The following FGF2 variants were observed in gnomAD, a reference collection of about 807,000 sequenced individuals.
FGF2 encodes fibroblast growth factor 2.
In FGF2, 13 loss-of-function variants were observed where a neutral mutation model predicts 15.9. The observed-to-expected ratio is 0.82, with a 90% CI of 0.53 to 1.30. The LOEUF is 1.30. Ranked by LOEUF, FGF2 falls within the 50% of genes most tolerant of loss-of-function variation. The pLI, the probability that FGF2 is intolerant of heterozygous loss-of-function variation, is 0.00. For synonymous variants in FGF2, 90 were observed against 78.4 expected (o/e 1.15, Z -0.78); for missense variants, 163 against 196.9 (o/e 0.83, Z 1.03).
rs1553950801 is a variant in FGF2, at chr4:122,893,199, C to T, written c.*803C>T. 6.2e-7 allele frequency: 1 copy of T among 1,608,890 alleles called. No individual in the cohort carries two copies. Among genetic ancestry groups the T allele is most frequent in the South Asian group, 1.1e-5 (1 of 90,228 alleles). On this transcript the variant is annotated 3_prime_UTR_variant, in exon 3 of 3. Coordinates refer to ENST00000644866, the MANE Select transcript of FGF2 (RefSeq NM_001361665.2). ...AATTCTGATTTTATACCAGTCTCTT[C>T]AAAAACTTCTCGAACCGCTGTGTCT...
intron 1 of FGF2, among the ~76,000 whole-genome samples, chr4:122,865,536 C>T (rs1578468504): frequency 6.6e-6 from 1 of 152,134 alleles, no homozygotes; most frequent in African/African-American, 2.4e-5. Context: ...AGCAATCCAC[C>T]CATCTCCCAA....
In FGF2 at chr4:122,892,621, G is replaced by A. The variant is rs780912676; in HGVS notation, c.*225G>A. On this transcript the variant is annotated 3_prime_UTR_variant, in exon 3 of 3. Coordinates refer to ENST00000644866, the MANE Select transcript of FGF2 (RefSeq NM_001361665.2). ...TTTATATTGCATCTGCTGTTACCCA[G>A]TGAAGCTTACCTAGAGCAATGATCT... 8.4e-6 allele frequency: 12 copies of A among 1,430,846 alleles called. No individual in the cohort carries two copies. The highest frequency in any genetic ancestry group is 1.6e-5 in the South Asian group (1 of 64,128). The allele number at this position is 1,430,846 out of a possible 1,614,324, so 88.6% of individuals were successfully genotyped here.
At chr4:122,832,636 T>C (rs901669251) in intron 1 of FGF2, among the ~76,000 whole-genome samples, 7 of 152,256 alleles carry the variant, frequency 4.6e-5, no homozygotes, top group African/African-American at 1.4e-4. Context: ...TTTTCTGTGC[T>C]CTGAAATTAG....
At chr4:122,830,630 C>G (rs1042771588) in intron 1 of FGF2, among the ~76,000 whole-genome samples, 2 of 152,060 alleles carry the variant, frequency 1.3e-5, no homozygotes, top group African/African-American at 4.8e-5. Flanking sequence ...TGGCAGGCCT[C>G]TTTCAATGCG....
At chr4:122,887,836 T>G (rs1000333432) in intron 2 of FGF2, among the ~76,000 whole-genome samples, 1 of 152,250 alleles carries the variant, frequency 6.6e-6, no homozygotes, top group Non-Finnish European at 1.5e-5. Context: ...CATCTACATT[T>G]CTTTTTTAGG....
chr4:122,874,234 TTAAGA>T (rs1412146973), intron 1 of FGF2, among the ~76,000 whole-genome samples: 4 of 152,258 alleles, frequency 2.6e-5, no homozygotes, highest in Admixed American at 1.3e-4. Context: ...CTTATACTCA[TTAAGA>T]TAAGTTTGGT....
chr4:122,836,373 C>T (rs544652805), intron 1 of FGF2, among the ~76,000 whole-genome samples: 1 of 152,314 alleles, frequency 6.6e-6, no homozygotes, highest in South Asian at 2.1e-4. Context: ...TCCTGTCTGT[C>T]CTCGTACCTT....
chr4:122,897,904 T>C lies in FGF2; in HGVS notation c.*5508T>C, dbSNP rs191242224. On this transcript the variant is annotated 3_prime_UTR_variant, in exon 3 of 3. Transcript: ENST00000644866. ...TCCCACCTTTTCTCTTCAGGAAATA[T>C]AAGTGGTTTTGTTTGGTTAACGTGA... 83 of 520,440 alleles carry C rather than the reference T, an allele frequency of 1.6e-4. 1 individual carries two copies. The East Asian group carries it at 2.6e-3, about 16-fold the overall frequency. 32.2% of individuals were successfully genotyped at this position (520,440 alleles called of 1,614,324 possible).
intron 2 of FGF2, among the ~76,000 whole-genome samples, chr4:122,887,103 C>T (rs1727075330): frequency 6.6e-6 from 1 of 152,166 alleles, no homozygotes; most frequent in Admixed American, 6.5e-5. Flanking sequence ...ACCACGACGT[C>T]AGGAGTTCGA....
chr4:122,885,935 T>A (rs547035324), intron 2 of FGF2, among the ~76,000 whole-genome samples: 313 of 130,148 alleles, frequency 2.4e-3, no homozygotes, highest in Middle Eastern at 3.9e-3. Context: ...TTTTTTTTTT[T>A]TGAGACAGGT....
chr4:122,891,032 TTTTGTTTTG>T (rs1727167870), intron 2 of FGF2, among the ~76,000 whole-genome samples: 2 of 120,952 alleles, frequency 1.7e-5, no homozygotes, highest in East Asian at 2.2e-4. Context: ...TTTTTTTTTT[TTTTGTTTTG>T]TTTTGTTTTG....
At chr4:122,881,591 C>T (rs992816509) in intron 2 of FGF2, among the ~76,000 whole-genome samples, 1 of 152,166 alleles carries the variant, frequency 6.6e-6, no homozygotes, top group Non-Finnish European at 1.5e-5. Context: ...CAACAAGTTC[C>T]TCATCTCCAT....
intron 1 of FGF2, among the ~76,000 whole-genome samples, chr4:122,844,727 C>T (rs114171408): frequency 0.037 from 5,625 of 151,728 alleles, 209 homozygotes; most frequent in African/African-American, 0.094. Flanking sequence ...GCCTTGATCT[C>T]CTGGAATCAA....
chr4:122,840,104 C>T (rs1168524967), intron 1 of FGF2, among the ~76,000 whole-genome samples: 1 of 152,126 alleles, frequency 6.6e-6, no homozygotes, highest in Non-Finnish European at 1.5e-5. Flanking sequence ...AACGTAATCA[C>T]ATCTTTAGAG....
chr4:122,846,966 G>A (rs1002680175), intron 1 of FGF2, among the ~76,000 whole-genome samples: 1 of 152,174 alleles, frequency 6.6e-6, no homozygotes, highest in African/African-American at 2.4e-5. Flanking sequence ...CCTGGGAAGG[G>A]GGCATGGTCA....
chr4:122,870,310 C>T (rs977482451), intron 1 of FGF2, among the ~76,000 whole-genome samples: 1 of 152,262 alleles, frequency 6.6e-6, no homozygotes, highest in African/African-American at 2.4e-5. Context: ...TCTGTCTCTT[C>T]TTGGTTTGGT....
chr4:122,827,469 G>A lies in FGF2; in HGVS notation c.178+117G>A, dbSNP rs1725667653. Reference sequence around the variant, plus strand: ...TCACTGCGACCCTAGCGCTCCGTGTGGTTTCTGGCCGCGCGGCCCTCGGCG... The same window carrying A: ...TCACTGCGACCCTAGCGCTCCGTGTAGTTTCTGGCCGCGCGGCCCTCGGCG... On this transcript the variant is annotated intron_variant, in intron 1 of 2. Coordinates refer to ENST00000644866, the MANE Select transcript of FGF2 (RefSeq NM_001361665.2). The surrounding 1 kb of genome is among the most constrained non-coding windows in gnomAD (Gnocchi z 4.2). 3 of 1,225,868 alleles carry A rather than the reference G, an allele frequency of 2.4e-6. No individual in the cohort carries two copies. Among genetic ancestry groups the A allele is most frequent in the Non-Finnish European group, 3.5e-6 (3 of 855,292 alleles). 75.9% of individuals were successfully genotyped at this position (1,225,868 alleles called of 1,614,324 possible).
intron 1 of FGF2, among the ~76,000 whole-genome samples, chr4:122,862,681 A>G (rs183725377): frequency 1.4e-4 from 22 of 152,320 alleles, no homozygotes; most frequent in Admixed American, 1.2e-3. Flanking sequence ...GTGATTTAAG[A>G]TATAATTGTG....
At chr4:122,845,495 C>A (rs1726091514) in intron 1 of FGF2, among the ~76,000 whole-genome samples, 1 of 152,194 alleles carries the variant, frequency 6.6e-6, no homozygotes, top group Non-Finnish European at 1.5e-5. Context: ...CTGTTTTGTC[C>A]ACATTGAAAA....
Sources: gnomAD v4.1 joint callset for allele counts (sites outside exome capture counted in the v4.1 genomes callset) on GRCh38, gnomAD v4.1.1 for gene constraint, Gnocchi (gnomAD v3.1) non-coding constraint, MANE v1.5 for transcripts, NCBI Gene and HGNC (gene_info 2026-07-23, HGNC 2026-07-21) for gene names.